DOK4: variants seen among roughly 807,000 people sequenced by gnomAD.
The protein encoded by DOK4 is docking protein 4.
A neutral mutation model predicts 40.1 loss-of-function variants in DOK4; 26 were observed. The ratio of observed to expected loss-of-function variants is 0.65; its 90% CI spans 0.48 to 0.90. The LOEUF (loss-of-function observed/expected upper bound fraction) is 0.90, where lower values mean the gene tolerates loss of function less well. Ranked by LOEUF, DOK4 falls within the 40% of genes least tolerant of loss-of-function variation. The pLI, the probability that DOK4 is intolerant of heterozygous loss-of-function variation, is 0.00. For missense variants in DOK4, 392 were observed against 437.2 expected (o/e 0.90, Z 0.92); for synonymous variants, 179 against 177.0 (o/e 1.01, Z -0.09).
At chr16:57,480,393 G>A in intron 1 of DOK4, 1 of 152,486 alleles carries the variant, frequency 6.6e-6, no homozygotes, top group Non-Finnish European at 1.5e-5. Context: ...TCTGGGTGCT[G>A]CTTCCTGGGT....
exon 9 of DOK4, chr16:57,472,800 A>G (rs1209408084): frequency 3.3e-5 from 5 of 152,994 alleles, no homozygotes; most frequent in Non-Finnish European, 7.3e-5. Flanking sequence ...AAGGCTGGCA[A>G]GCAGCACAGA....
intron 2 of DOK4, among the ~76,000 whole-genome samples, chr16:57,477,485 T>C (rs972241537): frequency 6.6e-6 from 1 of 152,194 alleles, no homozygotes; most frequent in Non-Finnish European, 1.5e-5. Flanking sequence ...CGTGAATGAA[T>C]GGATGGATGA....
At position 57,477,637 on chromosome 16, in the gene DOK4, G is replaced by A. The variant is rs546812216; in HGVS notation, c.67-1680C>T. 1.6e-4 allele frequency among the ~76,000 whole-genome samples: 24 copies of A among 152,310 alleles called. No homozygotes were observed. The South Asian group carries it at 5.0e-3, about 32-fold the overall frequency. The stretch of plus-strand genomic sequence containing the variant: ...CACATTCACAGCCCCAGGGAGCCAC[G>A]CGCTCAAGAGCCCTCCTTCCCACTT... On this transcript the variant is annotated intron_variant, in intron 2 of 8. Transcript: ENST00000340099.
chr16:57,473,070 G>A (rs1598047335), exon 9 of DOK4: 1 of 341,880 alleles, frequency 2.9e-6, no homozygotes, highest in East Asian at 5.3e-5. Context: ...AAATTTGTGT[G>A]TATTGGTGGG....
At position 57,475,722 on chromosome 16, in the gene DOK4, C is replaced by T. The variant is rs1408613327; in HGVS notation, c.175-102G>A. 9.9e-6 allele frequency: 7 copies of T among 706,954 alleles called. No homozygotes were observed. In the African/African-American group the frequency reaches 1.4e-4, roughly 14 times the overall value. The allele number at this position is 706,954 out of a possible 1,614,324, so 43.8% of individuals were successfully genotyped here. ...CCTCCCTCCCTCTCTCCCCCCTCCT[C>T]CTTCTCTCTCCTCCTCTCCCTCTCT... is the stretch of plus-strand genomic sequence containing the variant. On this transcript the variant is annotated intron_variant, in intron 3 of 8. Transcript: ENST00000340099.
chr16:57,475,719 C>T, intron 3 of DOK4, 99 bp from the exon 4 acceptor site: 8 of 622,282 alleles, frequency 1.3e-5, no homozygotes, highest in South Asian at 5.0e-5. Context: ...TCTCCCCCCT[C>T]CTCCTTCTCT....
intron 3 of DOK4, 64 bp from the exon 4 acceptor site, chr16:57,475,684 CT>C: frequency 4.5e-5 from 40 of 898,760 alleles, no homozygotes; most frequent in African/African-American, 2.6e-4. Flanking sequence ...CTCTCTCTCT[CT>C]CTCTCTCTCT....
intron 1 of DOK4, chr16:57,481,671 A>T (rs1009895140): frequency 4.6e-5 from 7 of 152,272 alleles, no homozygotes; most frequent in Admixed American, 1.3e-4. Flanking sequence ...GGTTCATCCA[A>T]CATAGCTCAG....
chr16:57,482,491 C>T lies in DOK4; in HGVS notation c.-181-2803G>A, dbSNP rs28527235. On this transcript the variant is annotated intron_variant, in intron 1 of 8. Transcript: ENST00000340099. ...ACGCCATTCTCCTTCCTCAGCCTCC[C>T]GAGTAGCTGGGACTACAGGAGCCCA... is the stretch of plus-strand genomic sequence containing the variant. Among the ~76,000 whole-genome samples the T allele has an allele frequency of 3.1e-3, 475 of 151,818 alleles. 5 individuals carry two copies. The highest frequency in any genetic ancestry group is 1.0e-2 in the African/African-American group (413 of 41,328).
intron 1 of DOK4, among the ~76,000 whole-genome samples, chr16:57,483,777 C>A (rs1033766004): frequency 6.6e-6 from 1 of 152,186 alleles, no homozygotes; most frequent in Non-Finnish European, 1.5e-5. Context: ...AGAATGCTTG[C>A]TACTTTGAGA....
exon 6 of DOK4, chr16:57,474,800 C>T (rs1411735866): frequency 6.2e-7 from 1 of 1,613,668 alleles, no homozygotes; most frequent in East Asian, 2.2e-5. Flanking sequence ...TACCGGCCAG[C>T]CTCGAAGGTA....
At chr16:57,475,901 C>A in exon 3 of DOK4, 1 of 1,613,706 alleles carries the variant, frequency 6.2e-7, no homozygotes, top group Non-Finnish European at 8.5e-7. Flanking sequence ...ACTTCTCCAG[C>A]CGCTGGGGCC....
intron 4 of DOK4, 68 bp from the exon 5 acceptor site, chr16:57,475,287 CTT>C (rs1425225806): frequency 6.4e-7 from 1 of 1,574,642 alleles, no homozygotes. Flanking sequence ...CCCAGCCTGA[CTT>C]ATGCCACCAT....
chr16:57,482,154 G>A (rs2031431523), intron 1 of DOK4, among the ~76,000 whole-genome samples: 1 of 151,566 alleles, frequency 6.6e-6, no homozygotes, highest in East Asian at 2.0e-4. Context: ...GTGAGCCACT[G>A]CGCCCGGCCT....
In DOK4 at chr16:57,485,636, A is replaced by G. The variant is rs2031520541; in HGVS notation, c.-182+669T>C. Among the ~76,000 whole-genome samples the G allele has an allele frequency of 6.6e-6, 1 of 152,316 alleles. No homozygotes were observed. Among genetic ancestry groups the G allele is most frequent in the East Asian group, 1.9e-4 (1 of 5,170 alleles). On this transcript the variant is annotated intron_variant, in intron 1 of 8. Coordinates refer to ENST00000340099, the Ensembl canonical transcript of DOK4. The surrounding 1 kb of genome is among the most constrained non-coding windows in gnomAD (Gnocchi z 4.3). ...ATGGCTTGGGGCAGGCAGGCTGCAC[A>G]GAGCCCCTGCTCTGCCACATCACCC...
chr16:57,473,233 T>C, exon 9 of DOK4: 1 of 1,303,154 alleles, frequency 7.7e-7, no homozygotes, highest in Non-Finnish European at 1.0e-6. Flanking sequence ...CAGTCCAGCC[T>C]CATCCTTGGG....
chr16:57,476,049 C>A, intron 2 of DOK4, 92 bp from the exon 3 acceptor site: 1 of 1,073,362 alleles, frequency 9.3e-7, no homozygotes, highest in Admixed American at 2.0e-5. Flanking sequence ...CCACAGGGGG[C>A]GGTGCCGCAC....
At chr16:57,476,994 G>T (rs1426843600) in intron 2 of DOK4, among the ~76,000 whole-genome samples, 1 of 152,226 alleles carries the variant, frequency 6.6e-6, no homozygotes, top group African/African-American at 2.4e-5. Context: ...TGTGGCTGGG[G>T]TTTACCTACT....
chr16:57,486,484 C>G (rs1201492336), exon 1 of DOK4: 1 of 151,978 alleles, frequency 6.6e-6, no homozygotes, highest in African/African-American at 2.4e-5. Flanking sequence ...GGGGCTCCGG[C>G]TGGGACTCCG....
Sources: gnomAD v4.1 joint callset for allele counts (sites outside exome capture counted in the v4.1 genomes callset) on GRCh38, gnomAD v4.1.1 for gene constraint, Gnocchi (gnomAD v3.1) non-coding constraint, MANE v1.5 for transcripts, NCBI Gene and HGNC (gene_info 2026-07-23, HGNC 2026-07-21) for gene names.